Variants in EHHADH observed in about 807,000 individuals in gnomAD.
The protein encoded by EHHADH is peroxisomal bifunctional enzyme.
A neutral mutation model predicts 64.4 loss-of-function variants in EHHADH; 48 were observed. The ratio of observed to expected loss-of-function variants is 0.75; its 90% confidence interval spans 0.59 to 0.95. The LOEUF is 0.95. Among genes scored for constraint, EHHADH ranks in the 40% least tolerant of loss-of-function variants. The pLI, the probability that EHHADH is intolerant of heterozygous loss-of-function variation, is 0.00. For synonymous variants in EHHADH, 308 were observed against 326.7 expected (o/e 0.94, Z 0.62); for missense variants, 854 against 876.6 (o/e 0.97, Z 0.33).
Position 185,248,466 on chromosome 3 carries a change from G to A in EHHADH, c.126C>T (p.Asp42=). The A allele has an allele frequency of 1.2e-6, 2 of 1,614,060 alleles. No homozygotes were observed. The highest frequency in any genetic ancestry group is 4.5e-5 in the East Asian group (2 of 44,866). The change falls in exon 2 of 7, where the codon GAC becomes GAT. Residue 42 remains aspartate (D), a synonymous_variant. Transcript: ENST00000231887. ...IKEGLQKAVI[D]HTIKAIVICG... ...AAATCACAATGGCTTTTATTGTATG[G>A]TCTATTACAGCTTTCTGTAGTCCTT...
chr3:185,248,367 T>C (rs1719652628), intron 2 of EHHADH, 47 bp downstream of exon 2: 2 of 1,352,612 alleles, frequency 1.5e-6, no homozygotes, highest in Non-Finnish European at 2.1e-6. Context: ...GGTCTCAGTC[T>C]GTGGCTGGAT....
At chr3:185,198,372 C>A (rs1718129296) in intron 6 of EHHADH, among the ~76,000 whole-genome samples, 1 of 151,736 alleles carries the variant, frequency 6.6e-6, no homozygotes, top group Non-Finnish European at 1.5e-5. Flanking sequence ...GCACCTGCCA[C>A]CATGCCTGGC....
intron 5 of EHHADH, among the ~76,000 whole-genome samples, chr3:185,211,151 CTTTGGG>C (rs1718530204): frequency 6.6e-6 from 1 of 152,154 alleles, no homozygotes; most frequent in Admixed American, 6.5e-5. Context: ...AGAATTTCCC[CTTTGGG>C]TGTATAAGTA....
At chr3:185,229,848 C>T (rs1051996915) in intron 3 of EHHADH, among the ~76,000 whole-genome samples, 1 of 152,054 alleles carries the variant, frequency 6.6e-6, no homozygotes, top group African/African-American at 2.4e-5. Flanking sequence ...TGGAGTCCTG[C>T]AAGAATCAGG....
intron 6 of EHHADH, among the ~76,000 whole-genome samples, chr3:185,203,937 C>T (rs1226011093): frequency 1.3e-5 from 2 of 151,830 alleles, no homozygotes; most frequent in South Asian, 2.1e-4. Flanking sequence ...GCCAGGAGTT[C>T]GAGACCAGCC....
intron 2 of EHHADH, among the ~76,000 whole-genome samples, chr3:185,243,391 A>T (rs1719509194): frequency 6.6e-6 from 1 of 152,130 alleles, no homozygotes; most frequent in South Asian, 2.1e-4. Flanking sequence ...GTCCACCATG[A>T]TGATCCTTAA....
intron 4 of EHHADH, among the ~76,000 whole-genome samples, chr3:185,222,674 A>C (rs1718867656): frequency 6.6e-6 from 1 of 152,200 alleles, no homozygotes; most frequent in Non-Finnish European, 1.5e-5. Flanking sequence ...ATTCCACTAC[A>C]CATTTGTGAG....
chr3:185,222,364 C>T (rs948556256), intron 4 of EHHADH, among the ~76,000 whole-genome samples: 1 of 152,050 alleles, frequency 6.6e-6, no homozygotes, highest in African/African-American at 2.4e-5. Context: ...GCCTGGGTGA[C>T]AGTGGGAGAT....
chr3:185,221,754 A>G (rs1718840898), intron 4 of EHHADH, among the ~76,000 whole-genome samples: 1 of 151,392 alleles, frequency 6.6e-6, no homozygotes, highest in Admixed American at 6.6e-5. Flanking sequence ...TTGTATTTTT[A>G]GTGGAGATGA....
chr3:185,228,260 AT>A (rs1719050867), intron 4 of EHHADH, among the ~76,000 whole-genome samples: 51 of 29,632 alleles, frequency 1.7e-3, no homozygotes, highest in East Asian at 4.8e-3. Context: ...AAAAAAAAAT[AT>A]ATATATATAT....
chr3:185,196,601 T>C (rs1718071072), intron 6 of EHHADH, among the ~76,000 whole-genome samples: 1 of 151,996 alleles, frequency 6.6e-6, no homozygotes, highest in Non-Finnish European at 1.5e-5. Context: ...AATCACGCCG[T>C]TGCACTCCAG....
chr3:185,230,119 G>A (rs1020384865), intron 3 of EHHADH, among the ~76,000 whole-genome samples: 6 of 152,060 alleles, frequency 3.9e-5, no homozygotes, highest in Non-Finnish European at 8.8e-5. Context: ...AAACCACAAG[G>A]TAACACTTTA....
intron 1 of EHHADH, 38 bp downstream of exon 1, chr3:185,253,911 C>G (rs764951851): frequency 6.2e-7 from 1 of 1,611,484 alleles, no homozygotes; most frequent in South Asian, 1.1e-5. Flanking sequence ...GGCTAAGGCC[C>G]GCACGGTCCC....
chr3:185,246,496 A>G, intron 2 of EHHADH: 1 of 331,112 alleles, frequency 3.0e-6, no homozygotes, highest in South Asian at 3.9e-5. Flanking sequence ...GTCAGCCCCC[A>G]GGCCCCGTGG....
intron 4 of EHHADH, among the ~76,000 whole-genome samples, chr3:185,219,419 G>A (rs1451471322): frequency 1.3e-5 from 2 of 152,158 alleles, no homozygotes; most frequent in Non-Finnish European, 2.9e-5. Context: ...TCATTTCACA[G>A]GTGCCAATAT....
chr3:185,224,915 T>G (rs1471081531), intron 4 of EHHADH, among the ~76,000 whole-genome samples: 2 of 152,180 alleles, frequency 1.3e-5, no homozygotes, highest in African/African-American at 4.8e-5. Context: ...CCTCTCAAGA[T>G]CTTTAATGTA....
chr3:185,213,478 A>G (rs901033338), intron 5 of EHHADH, among the ~76,000 whole-genome samples: 1 of 152,336 alleles, frequency 6.6e-6, no homozygotes, highest in East Asian at 1.9e-4. Context: ...TTTCTAATAA[A>G]TGCATATATA....
At chr3:185,237,771 T>C (rs114859878) in intron 2 of EHHADH, among the ~76,000 whole-genome samples, 1 of 152,206 alleles carries the variant, frequency 6.6e-6, no homozygotes, top group Admixed American at 6.5e-5. Flanking sequence ...ATTATTTTTA[T>C]AGATTCGGGG....
rs1329665571 is a variant in EHHADH, at chr3:185,235,439, C to T, written c.202G>A (p.Ala68Thr). ...SAGADIRGFS[A>T]PRTFGLTLGH... ...AGTGTAAGGCCAAATGTCCTAGGAG[C>T]ACTGAAGCCACGAATATCAGCACCT... The change falls in exon 3 of 7, where the codon GCT becomes ACT. Residue 68 changes from alanine (A) to threonine (T), a missense_variant. Physicochemically the swap from Ala to Thr is moderately conservative, Grantham distance 58. Transcript: ENST00000231887. 1 of 1,611,082 alleles carries T rather than the reference C, an allele frequency of 6.2e-7. No homozygotes were observed. Among genetic ancestry groups the T allele is most frequent in the East Asian group, 2.2e-5 (1 of 44,640 alleles).
Sources: gnomAD v4.1 joint callset for allele counts (sites outside exome capture counted in the v4.1 genomes callset) on GRCh38, gnomAD v4.1.1 for gene constraint, MANE v1.5 for transcripts, NCBI Gene and HGNC (gene_info 2026-07-23, HGNC 2026-07-21) for gene names.